Variants in RBFOX1 observed in about 807,000 individuals in gnomAD.
RBFOX1 encodes RNA binding fox-1 homolog 1.
In RBFOX1, 8 loss-of-function variants were observed where a neutral mutation model predicts 57.7. The ratio of observed to expected loss-of-function variants is 0.14; its 90% CI spans 0.08 to 0.25. The LOEUF is 0.25. Ranked by LOEUF, RBFOX1 falls within the 10% of genes least tolerant of loss-of-function variation. The pLI is 1.00. For synonymous variants in RBFOX1, 326 were observed against 222.4 expected, an observed-to-expected ratio of 1.47 and a Z score of -4.15; for missense variants, 611 against 548.5, an observed-to-expected ratio of 1.11 and a Z score of -1.14.
Position 5,412,018 on chromosome 16 carries a change from G to A in RBFOX1, c.220-55198G>A, listed in dbSNP as rs375309806. On this transcript the variant is annotated intron_variant, in intron 1 of 2. Coordinates refer to the RBFOX1 transcript ENST00000585867. Reference sequence around the variant, plus strand: ...ATTTCTAGATCGGTTAGTTATGAGAGTCACGGGCAGTTTCTTTGAGTACCA... The same window carrying A: ...ATTTCTAGATCGGTTAGTTATGAGAATCACGGGCAGTTTCTTTGAGTACCA... 5.9e-5 allele frequency among the ~76,000 whole-genome samples: 9 copies of A among 152,300 alleles called. No individual in the cohort carries two copies. In the East Asian group the frequency reaches 1.2e-3, roughly 20 times the overall value.
At chr16:5,771,667 C>T (rs569151093) in intron 3 of RBFOX1, among the ~76,000 whole-genome samples, 2 of 152,208 alleles carry the variant, frequency 1.3e-5, no homozygotes, top group South Asian at 2.1e-4. Context: ...CTTCGGCCTC[C>T]CAGAGTGTTG....
chr16:5,609,843 G>C (rs1194691457), intron 3 of RBFOX1, among the ~76,000 whole-genome samples: 2 of 151,944 alleles, frequency 1.3e-5, no homozygotes, highest in African/African-American at 4.8e-5. Flanking sequence ...GGGTAGGTGG[G>C]GGTGGGGAGC....
chr16:6,733,944 G>T (rs9646299), intron 3 of RBFOX1, among the ~76,000 whole-genome samples: 137,759 of 152,142 alleles, frequency 0.91, 64,017 homozygotes, highest in East Asian at 1. Context: ...GAATAGCATC[G>T]TTGTCTATCT....
At chr16:6,086,073 G>A (rs930975122) in intron 1 of RBFOX1, among the ~76,000 whole-genome samples, 14 of 152,100 alleles carry the variant, frequency 9.2e-5, no homozygotes, top group African/African-American at 3.4e-4. Flanking sequence ...AACATGTGGT[G>A]TTTGGTTTTC....
chr16:5,399,279 C>T (rs370945271), intron 1 of RBFOX1, among the ~76,000 whole-genome samples: 5 of 152,076 alleles, frequency 3.3e-5, no homozygotes, highest in African/African-American at 1.2e-4. Context: ...GGACCTTAGC[C>T]GTGGATGAGG....
At chr16:7,065,413 C>G (rs1251294555) in intron 4 of RBFOX1, among the ~76,000 whole-genome samples, 3 of 152,156 alleles carry the variant, frequency 2.0e-5, no homozygotes, top group Non-Finnish European at 1.5e-5. Flanking sequence ...AGCACCCTGC[C>G]TCGTTCCTCT....
intron 3 of RBFOX1, among the ~76,000 whole-genome samples, chr16:6,978,479 G>A (rs1272066224): frequency 1.3e-5 from 2 of 152,130 alleles, no homozygotes; most frequent in Non-Finnish European, 2.9e-5. Context: ...TTTCATTACA[G>A]GTAGGTTGTA....
intron 1 of RBFOX1, among the ~76,000 whole-genome samples, chr16:6,026,908 C>G (rs1380847959): frequency 1.3e-5 from 2 of 152,218 alleles, no homozygotes; most frequent in African/African-American, 4.8e-5. Context: ...GATAGCCACT[C>G]AAAATGTGGT....
intron 2 of RBFOX1, among the ~76,000 whole-genome samples, chr16:6,537,923 G>A (rs1383394088): frequency 1.3e-5 from 2 of 151,612 alleles, no homozygotes; most frequent in Admixed American, 6.6e-5. Context: ...GGCCTAAAGA[G>A]CAAGATTTTT....
At chr16:7,425,007 C>CATT (rs1052228647) in intron 4 of RBFOX1, among the ~76,000 whole-genome samples, 1 of 151,930 alleles carries the variant, frequency 6.6e-6, no homozygotes, top group Admixed American at 6.6e-5. Context: ...TACAAGTTGG[C>CATT]ATTATTATTA....
At chr16:5,931,741 T>A (rs1302663302) in intron 4 of RBFOX1, among the ~76,000 whole-genome samples, 1 of 152,072 alleles carries the variant, frequency 6.6e-6, no homozygotes, top group Non-Finnish European at 1.5e-5. Context: ...GCCCCTGAGA[T>A]TCCCTACCCG....
At chr16:6,945,785 G>A (rs115184795) in intron 3 of RBFOX1, among the ~76,000 whole-genome samples, 2,770 of 152,198 alleles carry the variant, frequency 0.018, 89 homozygotes, top group African/African-American at 0.062. Flanking sequence ...CAGCTACTTC[G>A]GAGGCCGAGA....
chr16:7,288,777 G>T (rs112514404), intron 4 of RBFOX1, among the ~76,000 whole-genome samples: 6,352 of 152,310 alleles, frequency 0.042, 163 homozygotes, highest in South Asian at 0.14. Flanking sequence ...GGGGATGGAG[G>T]TTACAGTGAG....
At chr16:7,108,754 C>A (rs1409855169) in intron 4 of RBFOX1, among the ~76,000 whole-genome samples, 8 of 152,182 alleles carry the variant, frequency 5.3e-5, no homozygotes, top group Non-Finnish European at 1.2e-4. Flanking sequence ...CTTGGAGATA[C>A]ACTCACCCCT....
intron 2 of RBFOX1, among the ~76,000 whole-genome samples, chr16:6,441,812 T>G (rs1158368554): frequency 2.6e-5 from 4 of 152,170 alleles, no homozygotes; most frequent in Non-Finnish European, 4.4e-5. Context: ...TGAAGAGAGA[T>G]GGACTAAACA....
intron 4 of RBFOX1, among the ~76,000 whole-genome samples, chr16:5,968,320 C>G (rs1596316312): frequency 6.6e-6 from 1 of 152,290 alleles, no homozygotes; most frequent in East Asian, 1.9e-4. Flanking sequence ...CATGATCCCC[C>G]CGCCTCAGCC....
intron 1 of RBFOX1, among the ~76,000 whole-genome samples, chr16:6,074,114 A>C (rs1312969599): frequency 6.6e-6 from 1 of 151,990 alleles, no homozygotes. Flanking sequence ...ACGCCTGGCT[A>C]ATTTTTTGTA....
chr16:5,744,963 C>G (rs1051583351), intron 3 of RBFOX1, among the ~76,000 whole-genome samples: 2 of 152,010 alleles, frequency 1.3e-5, no homozygotes, highest in Admixed American at 6.6e-5. Context: ...TTTTATTATA[C>G]TTTTAGTTCT....
intron 5 of RBFOX1, among the ~76,000 whole-genome samples, chr16:7,522,221 G>A (rs756940432): frequency 1.3e-5 from 2 of 152,184 alleles, no homozygotes; most frequent in Non-Finnish European, 2.9e-5. Context: ...AAGGTAGCAT[G>A]GTGAACCTTT....
Sources: allele counts gnomAD v4.1 joint callset (sites outside exome capture counted in the v4.1 genomes callset), GRCh38; gene constraint gnomAD v4.1.1; transcripts MANE v1.5; gene names NCBI Gene and HGNC (gene_info 2026-07-23, HGNC 2026-07-21).